TLN1: variants seen among roughly 807,000 people sequenced by gnomAD.
TLN1 encodes the protein talin-1.
In TLN1, 56 loss-of-function variants were observed where a neutral mutation model predicts 292.3. That is an observed-to-expected ratio of 0.19 (90% confidence interval 0.15 to 0.24). The LOEUF (loss-of-function observed/expected upper bound fraction) is 0.24, where lower values mean the gene tolerates loss of function less well. Ranked by LOEUF, TLN1 falls within the 10% of genes least tolerant of loss-of-function variation. The probability of loss-of-function intolerance (pLI) is 1.00; values close to 1 mark genes in which losing one functional copy is unlikely to be tolerated. For missense variants in TLN1, 2,433 were observed against 3,248.2 expected (o/e 0.75, Z 6.10); for synonymous variants, 1,119 against 1,253.7 (o/e 0.89, Z 2.27).
At chr9:35,729,973 T>C (rs1213558029) in intron 1 of TLN1, among the ~76,000 whole-genome samples, 1 of 152,014 alleles carries the variant, frequency 6.6e-6, no homozygotes, top group Non-Finnish European at 1.5e-5. Context: ...AGAAAAAGGA[T>C]GAGAAGACAG....
chr9:35,723,282 G>A (rs1050945267), intron 7 of TLN1: 1 of 237,004 alleles, frequency 4.2e-6, no homozygotes, highest in Non-Finnish European at 8.4e-6. Context: ...TGTATTTTTA[G>A]TAGAGATACA....
intron 48 of TLN1, among the ~76,000 whole-genome samples, chr9:35,701,696 T>C (rs1451262020): frequency 6.6e-6 from 1 of 152,222 alleles, no homozygotes; most frequent in African/African-American, 2.4e-5. Flanking sequence ...GGACTGATGA[T>C]GGTTTGGACA....
In TLN1 at chr9:35,724,428, TA is replaced by T. The variant is rs1382720800; in HGVS notation, c.512-95del. On this transcript the variant is annotated intron_variant, in intron 5 of 56. Coordinates refer to ENST00000314888, the MANE Select transcript of TLN1 (RefSeq NM_006289.4). This position sits in a 1 kb window ranked among gnomAD's most constrained non-coding sequence, Gnocchi z 4.7. ...TCTGCATTTCCTACCTCCCCTCACTTAAATGTAAGTCCCATGAGTGTAGGAC... is the reference window on the plus strand; with the variant it reads ...TCTGCATTTCCTACCTCCCCTCACTTAATGTAAGTCCCATGAGTGTAGGAC... The T allele has an allele frequency of 5.1e-6, 8 of 1,577,324 alleles. No homozygotes were observed. Among genetic ancestry groups the T allele is most frequent in the Non-Finnish European group, 6.9e-6 (8 of 1,153,776 alleles).
At position 35,705,773 on chromosome 9, in the gene TLN1, T is replaced by C; in HGVS notation, c.5590A>G (p.Ile1864Val). ...ACCATCTCCTGAACGGTCACTGCAA[T>C]GGCCTTGGCTGTCCGCACCATAGTT... Reference protein sequence around the residue: ...QTTMVRTAKAIAVTVQEMVTK... With the variant: ...QTTMVRTAKAVAVTVQEMVTK... The change falls in exon 42 of 57, where the codon ATT (isoleucine) becomes GTT (valine). Residue 1864 changes from isoleucine (I) to valine (V), a missense_variant. Physicochemically the swap from Ile to Val is conservative, Grantham distance 29. Transcript: ENST00000314888. 1 of 1,614,244 alleles carries C rather than the reference T, an allele frequency of 6.2e-7. No homozygotes were observed. The highest frequency in any genetic ancestry group is 8.5e-7 in the Non-Finnish European group (1 of 1,180,046).
Position 35,707,251 on chromosome 9 carries a change from A to G in TLN1, c.4776T>C (p.Gly1592=), listed in dbSNP as rs761885103. The change falls in exon 37 of 57, where the codon GGT becomes GGC. Residue 1592 remains glycine (G), a splice_region_variant and synonymous_variant. Coordinates refer to ENST00000314888, the MANE Select transcript of TLN1 (RefSeq NM_006289.4). This position sits in a 1 kb window ranked among gnomAD's most constrained non-coding sequence, Gnocchi z 5.6. The part of the protein sequence containing the change: ...SSIPAQISPE[G]RAAMEPIVIS... ...TCACAATGGGCTCCATGGCAGCCCG[A>G]CCCTGGGGAGAGGGGAGGCAGGAAG... The G allele has an allele frequency of 3.1e-6, 5 of 1,603,142 alleles. No individual in the cohort carries two copies. The South Asian group carries it at 5.5e-5, about 18-fold the overall frequency.
In TLN1 at chr9:35,704,153, C is replaced by T. The variant is rs10814270; in HGVS notation, c.6069G>A (p.Ala2023=). ...CCTTGGTGTCCTCCACCAGCACCTT[C>T]GCAGTCTTCAGGATGCCCTCCCTGA... ...ADHREGILKT[A]KVLVEDTKVL... is the part of the protein sequence containing the mutation. The change falls in exon 46 of 57, where the codon GCG becomes GCA. Residue 2023 remains alanine (A), a synonymous_variant. Coordinates refer to ENST00000314888, the MANE Select transcript of TLN1 (RefSeq NM_006289.4). The surrounding 1 kb of genome is among the most constrained non-coding windows in gnomAD (Gnocchi z 6.9). 0.072 allele frequency: 114,934 copies of T among 1,604,738 alleles called. 6,943 individuals are homozygous for T. Among genetic ancestry groups the T allele is most frequent in the East Asian group, 0.38 (16,854 of 44,754 alleles).
At chr9:35,726,820 G>C (rs1056649911) in intron 1 of TLN1, among the ~76,000 whole-genome samples, 1 of 152,188 alleles carries the variant, frequency 6.6e-6, no homozygotes, top group Non-Finnish European at 1.5e-5. Flanking sequence ...ATAGACTCTG[G>C]GAGGCCAGGA....
Position 35,711,759 on chromosome 9 carries a change from G to C in TLN1, c.3715C>G (p.Gln1239Glu). ...PPSTGTFQEA[Q>E]SRLNEAAAGL... ...GCAGCAGCTTCATTCAACCGGCTCT[G>C]AGCTTCTTGAAATGTCCCAGTGCTA... Residue 1239 changes from glutamine to glutamate, a missense_variant, in exon 29 of 57, where the codon CAG (glutamine) becomes GAG (glutamate). Transcript: ENST00000314888. 1 of 1,614,140 alleles carries C rather than the reference G, an allele frequency of 6.2e-7. No individual in the cohort carries two copies. Among genetic ancestry groups the C allele is most frequent in the Non-Finnish European group, 8.5e-7 (1 of 1,180,040 alleles).
rs775795708 is a variant in TLN1, at chr9:35,720,061, T to C, written c.1442A>G (p.His481Arg). 6.3e-7 allele frequency: 1 copy of C among 1,595,944 alleles called. No individual in the cohort carries two copies. The highest frequency in any genetic ancestry group is 1.1e-5 in the South Asian group (1 of 87,858). Residue 481 changes from histidine (H) to arginine (R), a missense_variant, in exon 13 of 57, where the codon CAC becomes CGC. Physicochemically the swap from His to Arg is conservative, Grantham distance 29. Around this residue, in one of 7 missense-constraint regions of TLN1, gnomAD observed 617 missense variants for 770.6 expected, o/e 0.80. Coordinates refer to ENST00000314888, the MANE Select transcript of TLN1 (RefSeq NM_006289.4). ...AQQQITSGQMHRGHMPPLTSA... is the reference protein window; with the variant it reads ...AQQQITSGQMRRGHMPPLTSA... ...TACCAGAGGAGGCATGTGTCCTCGG[T>C]GCATCTGGCCGCTGGTAATCTGCTG...
chr9:35,712,321 C>G (rs1303249140), intron 27 of TLN1, among the ~76,000 whole-genome samples, 197 bp from the exon 28 acceptor site: 1 of 152,170 alleles, frequency 6.6e-6, no homozygotes, highest in Non-Finnish European at 1.5e-5. Flanking sequence ...TTTAGCTCAG[C>G]CCATGACTGA....
At position 35,714,004 on chromosome 9, in the gene TLN1, T is replaced by G; in HGVS notation, c.3198A>C (p.Glu1066Asp). 6.2e-7 allele frequency: 1 copy of G among 1,614,224 alleles called. No individual in the cohort carries two copies. The highest frequency in any genetic ancestry group is 8.5e-7 in the Non-Finnish European group (1 of 1,180,038). The change falls in exon 25 of 57, where the codon GAA becomes GAC. Residue 1066 changes from glutamate to aspartate, a missense_variant. Around this residue, in one of 7 missense-constraint regions of TLN1, gnomAD observed 1,384 missense variants for 1,699.6 expected, o/e 0.81. Transcript: ENST00000314888. This position sits in a 1 kb window ranked among gnomAD's most constrained non-coding sequence, Gnocchi z 4.6. ...VVQNLEKDLQ[E>D]VKAAARDGKL... Reference sequence around the variant, plus strand: ...TGCCATCTCGAGCTGCTGCCTTCACTTCCTGTAGATCTTTCTCTAGATTCT... The same window carrying G: ...TGCCATCTCGAGCTGCTGCCTTCACGTCCTGTAGATCTTTCTCTAGATTCT...
chr9:35,711,507 C>T, intron 29 of TLN1, 88 bp downstream of exon 29: 1 of 1,603,156 alleles, frequency 6.2e-7, no homozygotes, highest in Non-Finnish European at 8.5e-7. Flanking sequence ...GGGAAGGGAG[C>T]CAGGAGCAAG....
intron 2 of TLN1, 101 bp from the exon 3 acceptor site, chr9:35,725,422 C>G: frequency 6.5e-7 from 1 of 1,535,532 alleles, no homozygotes; most frequent in Non-Finnish European, 8.9e-7. Flanking sequence ...GACCTTGGGC[C>G]TAAAGAACGA....
Position 35,707,536 on chromosome 9 carries a change from G to A in TLN1, c.4633-48C>T. On this transcript the variant is annotated intron_variant, in intron 35 of 56. Transcript: ENST00000314888. The surrounding 1 kb of genome is among the most constrained non-coding windows in gnomAD (Gnocchi z 5.6). The stretch of plus-strand genomic sequence containing the variant: ...CAGGACTTGGGATGCAGTCATAGGG[G>A]GTATAGGAAGTGAAGTCCAGGTCTC... The A allele has an allele frequency of 6.2e-7, 1 of 1,602,460 alleles. No individual in the cohort carries two copies. The highest frequency in any genetic ancestry group is 8.5e-7 in the Non-Finnish European group (1 of 1,172,224).
intron 1 of TLN1, among the ~76,000 whole-genome samples, chr9:35,731,607 G>T (rs886315341): frequency 6.6e-6 from 1 of 151,988 alleles, no homozygotes; most frequent in Non-Finnish European, 1.5e-5. Flanking sequence ...AAATTATGAC[G>T]TATGATGGCC....
intron 7 of TLN1, chr9:35,723,591 A>G (rs1055862881): frequency 3.3e-5 from 8 of 242,170 alleles, no homozygotes; most frequent in Non-Finnish European, 3.3e-5. Context: ...CAAACTCTGC[A>G]TTCCAAGAAA....
Position 35,711,388 on chromosome 9 carries a change from C to T in TLN1, c.3886G>A (p.Glu1296Lys), listed in dbSNP as rs986942368. 1 of 1,614,216 alleles carries T rather than the reference C, an allele frequency of 6.2e-7. No homozygotes were observed. The highest frequency in any genetic ancestry group is 8.5e-7 in the Non-Finnish European group (1 of 1,180,052). The part of the protein sequence containing the change: ...VEMAGQAPSQ[E>K]DRAQVVSNLK... ...TTGGACACAACTTGGGCTCGGTCCTCCTGGCTCTGTTGAAGGTGACAAGGT... is the reference window on the plus strand; with the variant it reads ...TTGGACACAACTTGGGCTCGGTCCTTCTGGCTCTGTTGAAGGTGACAAGGT... Residue 1296 changes from glutamate to lysine, a missense_variant, in exon 30 of 57, where the codon GAG (glutamate) becomes AAG (lysine). Physicochemically the swap from Glu to Lys is moderately conservative, Grantham distance 56 (BLOSUM62 1). Transcript: ENST00000314888.
At chr9:35,702,461 T>C (rs1825481757) in intron 48 of TLN1, among the ~76,000 whole-genome samples, 1 of 152,154 alleles carries the variant, frequency 6.6e-6, no homozygotes, top group African/African-American at 2.4e-5. Flanking sequence ...AGCCAGTATC[T>C]AGGCCAAGGG....
In TLN1 at chr9:35,698,573, A is replaced by C. The variant is rs1825408480; in HGVS notation, c.7188+44T>G. ...GGTCCATCCCCACTCCAGCCTTCTC[A>C]AGTCTCTCAAACTGAGAGAGACCTA... is the stretch of plus-strand genomic sequence containing the variant. On this transcript the variant is annotated intron_variant, in intron 54 of 56. Coordinates refer to ENST00000314888, the MANE Select transcript of TLN1 (RefSeq NM_006289.4). This position sits in a 1 kb window ranked among gnomAD's most constrained non-coding sequence, Gnocchi z 5.3. 1 of 1,613,876 alleles carries C rather than the reference A, an allele frequency of 6.2e-7. No individual in the cohort carries two copies. Among genetic ancestry groups the C allele is most frequent in the Non-Finnish European group, 8.5e-7 (1 of 1,180,004 alleles).
Sources: allele counts gnomAD v4.1 joint callset (sites outside exome capture counted in the v4.1 genomes callset), GRCh38; gene constraint gnomAD v4.1.1; regional missense constraint gnomAD v4.1.1; non-coding constraint Gnocchi (gnomAD v3.1); transcripts MANE v1.5; gene names NCBI Gene and HGNC (gene_info 2026-07-23, HGNC 2026-07-21).